Variants in DSG2 observed in about 807,000 individuals in gnomAD.
DSG2 encodes the protein desmoglein 2.
In DSG2, 45 loss-of-function variants were observed where a neutral mutation model predicts 75.6. That is an observed-to-expected ratio of 0.60 (90% CI 0.47 to 0.76). The LOEUF (loss-of-function observed/expected upper bound fraction) is 0.76. DSG2 is among the 30% of genes least tolerant of loss of function. The pLI is 0.00. For synonymous variants in DSG2, 429 were observed against 483.9 expected (o/e 0.89, Z 1.49); for missense variants, 1,267 against 1,357.4 (o/e 0.93, Z 1.05).
intron 1 of DSG2, among the ~76,000 whole-genome samples, chr18:31,506,621 C>A (rs1009958480): frequency 3.3e-5 from 5 of 152,308 alleles, no homozygotes; most frequent in Middle Eastern, 3.4e-3. Context: ...GAAAAGAAAT[C>A]ATTTTCTTCA....
chr18:31,541,154 A>T, intron 12 of DSG2, 39 bp from the exon 13 acceptor site: 1 of 1,613,626 alleles, frequency 6.2e-7, no homozygotes, highest in Admixed American at 1.7e-5. Flanking sequence ...AAATATATCA[A>T]GGTTAACCTT....
intron 2 of DSG2, 109 bp from the exon 3 acceptor site, chr18:31,519,694 C>A: frequency 8.5e-7 from 1 of 1,171,006 alleles, no homozygotes; most frequent in Non-Finnish European, 1.2e-6. Flanking sequence ...AAATACGAAG[C>A]ATACCTTAAA....
intron 9 of DSG2, among the ~76,000 whole-genome samples, chr18:31,532,962 A>C (rs1430284158): frequency 6.6e-6 from 1 of 152,040 alleles, no homozygotes; most frequent in Non-Finnish European, 1.5e-5. Context: ...ACATCAAAAG[A>C]TTGTGTGTTC....
At chr18:31,533,783 A>G (rs1346161361) in intron 9 of DSG2, among the ~76,000 whole-genome samples, 3 of 152,210 alleles carry the variant, frequency 2.0e-5, no homozygotes, top group Admixed American at 6.5e-5. Context: ...AGAAAAATTT[A>G]GTTCAAGTGT....
rs775269086 is a variant in DSG2 at position 31,530,937 on chromosome 18, T to A, written c.1015-50T>A. 2.2e-5 allele frequency: 35 copies of A among 1,583,936 alleles called. No homozygotes were observed. The Admixed American group carries it at 2.3e-4, about 11-fold the overall frequency. Reference sequence around the variant, plus strand: ...ACACATGTATATGTATATGTATACATGTCTTCTGTTTTCTCTTTGAAAAGA... The same window carrying A: ...ACACATGTATATGTATATGTATACAAGTCTTCTGTTTTCTCTTTGAAAAGA... On this transcript the variant is annotated intron_variant, in intron 8 of 14. Coordinates refer to ENST00000261590, the MANE Select transcript of DSG2 (RefSeq NM_001943.5).
At chr18:31,520,507 G>A (rs2073121654) in intron 3 of DSG2, among the ~76,000 whole-genome samples, 1 of 151,940 alleles carries the variant, frequency 6.6e-6, no homozygotes, top group African/African-American at 2.4e-5. Context: ...TACCCATTTT[G>A]GTAATTGATG....
intron 1 of DSG2, among the ~76,000 whole-genome samples, chr18:31,509,386 A>G (rs1254258967): frequency 6.6e-6 from 1 of 152,078 alleles, no homozygotes; most frequent in Non-Finnish European, 1.5e-5. Context: ...ATTATTATCT[A>G]AAGTTCAAAT....
chr18:31,509,729 C>A lies in DSG2; in HGVS notation c.46-8510C>A, dbSNP rs2073056945. On this transcript the variant is annotated intron_variant, in intron 1 of 14. Coordinates refer to ENST00000261590, the MANE Select transcript of DSG2 (RefSeq NM_001943.5). ...AGATCACCAAACTCACTGGTCCACC[C>A]TGACTGCACTGGGTCACTTGAACTC... Among the ~76,000 whole-genome samples, 4 of 152,324 alleles carry A rather than the reference C, an allele frequency of 2.6e-5. No individual in the cohort carries two copies. In the South Asian group the frequency reaches 8.3e-4, roughly 32 times the overall value.
At chr18:31,530,885 T>C (rs1002076572) in intron 8 of DSG2, 102 bp from the exon 9 acceptor site, 1 of 1,186,112 alleles carries the variant, frequency 8.4e-7, no homozygotes, top group African/African-American at 1.5e-5. Flanking sequence ...TCCTGTGCAT[T>C]AAATTATTGT....
Position 31,524,744 on chromosome 18 carries a change from T to C in DSG2, c.870T>C (p.Val290=), listed in dbSNP as rs768927687. Residue 290 remains valine (V), a synonymous_variant, in exon 8 of 15, where the codon GTT becomes GTC. Coordinates refer to ENST00000261590, the MANE Select transcript of DSG2 (RefSeq NM_001943.5). The part of the protein sequence containing the change: ...MVEENQVNVE[V]TRIKVFDADE... ...AAGAAAATCAAGTCAACGTAGAAGT[T>C]ACGCGCATAAAAGTGTTCGATGCAG... The C allele has an allele frequency of 1.2e-6, 2 of 1,614,204 alleles. No homozygotes were observed. The highest frequency in any genetic ancestry group is 2.2e-5 in the East Asian group (1 of 44,876).
At chr18:31,524,246 T>C (rs751097612) in intron 6 of DSG2, among the ~76,000 whole-genome samples, 1 of 152,238 alleles carries the variant, frequency 6.6e-6, no homozygotes, top group African/African-American at 2.4e-5. Flanking sequence ...AATTTGACTA[T>C]CTACAACTCC....
intron 9 of DSG2, among the ~76,000 whole-genome samples, chr18:31,533,991 C>CTTTTTTTTTTT (rs55789239): frequency 4.4e-4 from 55 of 125,930 alleles, no homozygotes; most frequent in African/African-American, 5.7e-4. Context: ...TCTTTTTTTT[C>CTTTTTTTTTTT]TTTTTTTTTT....
At chr18:31,522,273 C>A in intron 6 of DSG2, 24 bp downstream of exon 6, 1 of 1,600,930 alleles carries the variant, frequency 6.2e-7, no homozygotes, top group South Asian at 1.1e-5. Context: ...TTATGTTGCC[C>A]ATCTTTAAAC....
chr18:31,513,011 G>A (rs2073075223), intron 1 of DSG2, among the ~76,000 whole-genome samples: 1 of 152,114 alleles, frequency 6.6e-6, no homozygotes, highest in Non-Finnish European at 1.5e-5. Context: ...CATAAATTCT[G>A]TTTATTGAAT....
chr18:31,534,508 A>ATTTTTTTT (rs80270967), intron 9 of DSG2, among the ~76,000 whole-genome samples: 36 of 112,564 alleles, frequency 3.2e-4, no homozygotes, highest in Non-Finnish European at 5.2e-4. Context: ...ATGATCATTG[A>ATTTTTTTT]TTTTTTTTTT....
At position 31,524,461 on chromosome 18, in the gene DSG2, A is replaced by G. The variant is rs786205362; in HGVS notation, c.704A>G (p.Tyr235Cys). The G allele has an allele frequency of 6.2e-7, 1 of 1,614,186 alleles. No individual in the cohort carries two copies. Among genetic ancestry groups the G allele is most frequent in the Non-Finnish European group, 8.5e-7 (1 of 1,180,016 alleles). ...VTLDREEHSS[Y>C]TLTVEARDGN... is the part of the protein sequence containing the mutation. The stretch of plus-strand genomic sequence containing the variant: ...ATTGCTCTGCAGGAACACAGCAGCT[A>G]CACTTTGACAGTAGAAGCAAGAGAT... The change falls in exon 7 of 15, where the codon TAC (tyrosine) becomes TGC (cysteine). Residue 235 changes from tyrosine (Y) to cysteine (C), a missense_variant. Tyr to Cys is a radical substitution (Grantham distance 194). Coordinates refer to ENST00000261590, the MANE Select transcript of DSG2 (RefSeq NM_001943.5).
chr18:31,516,405 T>C (rs896478196), intron 1 of DSG2, among the ~76,000 whole-genome samples: 2 of 152,098 alleles, frequency 1.3e-5, no homozygotes, highest in African/African-American at 2.4e-5. Context: ...AAATAATACA[T>C]GGGGTCATCT....
At position 31,524,335 on chromosome 18, in the gene DSG2, A is replaced by G. The variant is rs560728750; in HGVS notation, c.691-113A>G. On this transcript the variant is annotated intron_variant, in intron 6 of 14. Coordinates refer to ENST00000261590, the MANE Select transcript of DSG2 (RefSeq NM_001943.5). ...CACACAAATAATAGCAGATCATAAAACAGATTTGTAAATAAAATATACTGT... is the reference window on the plus strand; with the variant it reads ...CACACAAATAATAGCAGATCATAAAGCAGATTTGTAAATAAAATATACTGT... The G allele has an allele frequency of 3.7e-5, 53 of 1,421,246 alleles. No individual in the cohort carries two copies. The African/African-American group carries it at 7.1e-4, about 19-fold the overall frequency. 88.0% of individuals were successfully genotyped at this position (1,421,246 alleles called of 1,614,324 possible).
In DSG2 at chr18:31,545,169, G is replaced by A. The variant is rs987472392; in HGVS notation, c.2335-552G>A. Among the ~76,000 whole-genome samples the A allele has an allele frequency of 1.1e-4, 16 of 152,228 alleles. No individual in the cohort carries two copies. In the East Asian group the frequency reaches 3.1e-3, roughly 29 times the overall value. ...TCCTGCTCCAGTCATTCTTGGTTAT[G>A]TATGTGTGTACTAACTTTTGATTTG... is the stretch of plus-strand genomic sequence containing the variant. On this transcript the variant is annotated intron_variant, in intron 14 of 14. Coordinates refer to ENST00000261590, the MANE Select transcript of DSG2 (RefSeq NM_001943.5).
Sources: allele counts gnomAD v4.1 joint callset (sites outside exome capture counted in the v4.1 genomes callset), GRCh38; gene constraint gnomAD v4.1.1; transcripts MANE v1.5; gene names NCBI Gene and HGNC (gene_info 2026-07-23, HGNC 2026-07-21).